Variants in RBFOX1 observed in about 807,000 individuals in gnomAD.
RBFOX1 encodes RNA binding fox-1 homolog 1.
RBFOX1 carries 8 observed loss-of-function variants against 57.7 expected under a neutral mutation model. The ratio of observed to expected loss-of-function variants is 0.14; its 90% CI spans 0.08 to 0.25. The LOEUF (loss-of-function observed/expected upper bound fraction) is 0.25, where lower values mean the gene tolerates loss of function less well. Among genes scored for constraint, RBFOX1 ranks in the 10% least tolerant of loss-of-function variants. RBFOX1 has a pLI of 1.00. For missense variants in RBFOX1, 611 were observed against 548.5 expected, an observed-to-expected ratio of 1.11 and a Z score of -1.14; for synonymous variants, 326 against 222.4, an observed-to-expected ratio of 1.47 and a Z score of -4.15.
chr16:5,422,184 G>C (rs910790942), intron 1 of RBFOX1, among the ~76,000 whole-genome samples: 6 of 151,766 alleles, frequency 4.0e-5, no homozygotes, highest in Non-Finnish European at 7.4e-5. Context: ...GGAAGAGAGA[G>C]AGGGAGAGGG....
rs79405309 is a variant in RBFOX1 at position 7,103,280 on chromosome 16, A to G, written c.27+51182A>G. 8.1e-3 allele frequency among the ~76,000 whole-genome samples: 1,229 copies of G among 152,230 alleles called. 16 individuals are homozygous for G. The highest frequency in any genetic ancestry group is 0.028 in the African/African-American group (1,163 of 41,544). On this transcript the variant is annotated intron_variant, in intron 4 of 15. Transcript: ENST00000550418. ...CCAGAACTTTAACTGTTTTGAGTTTATGACGTGTCCAGTCTCAAGTCAGTA... is the reference window on the plus strand; with the variant it reads ...CCAGAACTTTAACTGTTTTGAGTTTGTGACGTGTCCAGTCTCAAGTCAGTA...
chr16:5,765,427 A>G (rs1026950143), intron 3 of RBFOX1, among the ~76,000 whole-genome samples: 9 of 152,192 alleles, frequency 5.9e-5, no homozygotes, highest in Admixed American at 3.3e-4. Context: ...AGCAAATGAT[A>G]ATTAATTCAA....
At chr16:5,730,856 TATC>T (rs1473836370) in intron 3 of RBFOX1, among the ~76,000 whole-genome samples, 6 of 151,808 alleles carry the variant, frequency 4.0e-5, no homozygotes, top group African/African-American at 1.5e-4. Context: ...TCATTATCAC[TATC>T]ATCATTGTCA....
chr16:7,570,330 T>G (rs1386501927), intron 5 of RBFOX1, among the ~76,000 whole-genome samples: 1 of 152,176 alleles, frequency 6.6e-6, no homozygotes, highest in African/African-American at 2.4e-5. Flanking sequence ...TCAAATAGAA[T>G]TTGCTACAGT....
At chr16:6,684,579 C>T (rs944602646) in intron 3 of RBFOX1, among the ~76,000 whole-genome samples, 4 of 152,150 alleles carry the variant, frequency 2.6e-5, no homozygotes, top group African/African-American at 9.7e-5. Flanking sequence ...TCCCCTCTGT[C>T]CTTGAAAAGG....
intron 4 of RBFOX1, among the ~76,000 whole-genome samples, chr16:7,168,482 G>A (rs1239569125): frequency 6.6e-6 from 1 of 152,076 alleles, no homozygotes; most frequent in Non-Finnish European, 1.5e-5. Flanking sequence ...GGTGGCTATA[G>A]GAAACCTAAT....
chr16:5,782,336 T>C (rs67771676), intron 3 of RBFOX1, among the ~76,000 whole-genome samples: 38,578 of 152,160 alleles, frequency 0.25, 5,709 homozygotes, highest in East Asian at 0.56. Context: ...CCAAGAATGT[T>C]GTGTCCTCCT....
intron 4 of RBFOX1, among the ~76,000 whole-genome samples, chr16:7,394,618 C>T (rs1050024565): frequency 6.6e-6 from 1 of 152,156 alleles, no homozygotes; most frequent in Non-Finnish European, 1.5e-5. Context: ...CCAACGGGTG[C>T]CACTACAGTG....
At chr16:5,835,340 G>A (rs563709621) in intron 3 of RBFOX1, among the ~76,000 whole-genome samples, 20 of 152,332 alleles carry the variant, frequency 1.3e-4, no homozygotes, top group Middle Eastern at 3.4e-3. Context: ...ACTAAGCACA[G>A]CATTGCAGAG....
At chr16:6,531,966 G>A (rs1227882358) in intron 2 of RBFOX1, among the ~76,000 whole-genome samples, 1 of 152,172 alleles carries the variant, frequency 6.6e-6, no homozygotes, top group Non-Finnish European at 1.5e-5. Flanking sequence ...TTTAGAGGTA[G>A]TTGAAAAAGC....
chr16:6,787,789 T>G (rs145118544), intron 3 of RBFOX1, among the ~76,000 whole-genome samples: 1 of 152,336 alleles, frequency 6.6e-6, no homozygotes, highest in Non-Finnish European at 1.5e-5. Context: ...GACTTAGTCT[T>G]CCTCCATAAT....
intron 4 of RBFOX1, among the ~76,000 whole-genome samples, chr16:7,326,316 G>A (rs533624456): frequency 3.9e-4 from 59 of 152,244 alleles, no homozygotes; most frequent in Admixed American, 3.6e-3. Context: ...CATAGATCAC[G>A]AGTGCTGGGA....
At chr16:6,832,654 G>A (rs185972233) in intron 3 of RBFOX1, among the ~76,000 whole-genome samples, 10 of 152,228 alleles carry the variant, frequency 6.6e-5, no homozygotes, top group Admixed American at 2.0e-4. Flanking sequence ...TGCCATGCCT[G>A]TGCACTTCAG....
chr16:7,422,719 T>G (rs2098554258), intron 4 of RBFOX1: 1 of 152,226 alleles, frequency 6.6e-6, no homozygotes, highest in South Asian at 2.1e-4. Context: ...CGGCCAATAG[T>G]GTGCAAACCC....
At chr16:7,070,391 T>C (rs1261008295) in intron 4 of RBFOX1, among the ~76,000 whole-genome samples, 2 of 152,202 alleles carry the variant, frequency 1.3e-5, no homozygotes, top group African/African-American at 4.8e-5. Context: ...CACCCACGCA[T>C]ACACAGATAT....
chr16:6,843,778 A>C (rs1016251001), intron 3 of RBFOX1, among the ~76,000 whole-genome samples: 4 of 152,194 alleles, frequency 2.6e-5, no homozygotes, highest in Admixed American at 1.3e-4. Context: ...CGTATCCTTC[A>C]CTATTCTGTT....
Position 5,909,937 on chromosome 16 carries a change from C to T in RBFOX1, c.351+42602C>T, listed in dbSNP as rs554103303. On this transcript the variant is annotated intron_variant, in intron 4 of 19. Coordinates refer to the RBFOX1 transcript ENST00000641259. Reference sequence around the variant, plus strand: ...GTGTGGTGGCAGGCACCTGTAATCCCAGCTACTCAGGAGGCTAAGGCAGGA... The same window carrying T: ...GTGTGGTGGCAGGCACCTGTAATCCTAGCTACTCAGGAGGCTAAGGCAGGA... 6.6e-5 allele frequency among the ~76,000 whole-genome samples: 10 copies of T among 152,182 alleles called. No individual in the cohort carries two copies. The South Asian group carries it at 2.1e-3, about 32-fold the overall frequency.
At chr16:6,259,557 C>G (rs529114684) in intron 1 of RBFOX1, among the ~76,000 whole-genome samples, 1 of 152,244 alleles carries the variant, frequency 6.6e-6, no homozygotes, top group East Asian at 1.9e-4. Context: ...CATGAGTTCC[C>G]TTTTATAGTT....
At chr16:6,889,775 C>G (rs2064987698) in intron 3 of RBFOX1, among the ~76,000 whole-genome samples, 1 of 152,112 alleles carries the variant, frequency 6.6e-6, no homozygotes, top group Non-Finnish European at 1.5e-5. Flanking sequence ...CAGCATTTTT[C>G]CAAAGGTTGG....
Sources: allele counts gnomAD v4.1 joint callset (sites outside exome capture counted in the v4.1 genomes callset), GRCh38; gene constraint gnomAD v4.1.1; transcripts MANE v1.5; gene names NCBI Gene and HGNC (gene_info 2026-07-23, HGNC 2026-07-21).